The following DLGAP2 variants were observed in gnomAD, a reference collection of about 807,000 sequenced individuals.
DLGAP2 encodes DLG associated protein 2, also known as disks large-associated protein 2.
A neutral mutation model predicts 100.3 loss-of-function variants in DLGAP2; 26 were observed. That is an observed-to-expected ratio of 0.26 (90% CI 0.19 to 0.36). DLGAP2 has a LOEUF of 0.36. DLGAP2 is among the 10% of genes least tolerant of loss of function. DLGAP2 has a pLI of 1.00. For missense variants in DLGAP2, 1,858 were observed against 1,453.2 expected, an observed-to-expected ratio of 1.28 and a Z score of -4.53; for synonymous variants, 886 against 630.1, an observed-to-expected ratio of 1.41 and a Z score of -6.08.
Position 1,682,691 on chromosome 8 carries a change from C to T in DLGAP2, c.2704+4062C>T, listed in dbSNP as rs775529242. The stretch of plus-strand genomic sequence containing the variant: ...GTTTCACCATGTTGGCCAGGATAAT[C>T]GTGAACTCCTGGCCTCAAGTGATCT... On this transcript the variant is annotated intron_variant, in intron 12 of 14. Coordinates refer to ENST00000637795, the MANE Select transcript of DLGAP2 (RefSeq NM_001346810.2). Among the ~76,000 whole-genome samples the T allele has an allele frequency of 6.4e-4, 97 of 151,324 alleles. 1 individual carries two copies. The highest frequency in any genetic ancestry group is 5.3e-4 in the Admixed American group (8 of 15,174).
At chr8:1,518,600 C>T (rs186580615) in intron 4 of DLGAP2, among the ~76,000 whole-genome samples, 146 of 152,260 alleles carry the variant, frequency 9.6e-4, no homozygotes, top group African/African-American at 3.4e-3. Flanking sequence ...GTGGTGATTT[C>T]GGCCCAGACA....
chr8:1,093,807 A>G (rs1169429520), intron 2 of DLGAP2, among the ~76,000 whole-genome samples: 7 of 152,264 alleles, frequency 4.6e-5, no homozygotes, highest in Non-Finnish European at 8.8e-5. Flanking sequence ...CATCATGGGC[A>G]GGCACCTGCT....
At chr8:1,293,704 C>G (rs1029511657) in intron 3 of DLGAP2, among the ~76,000 whole-genome samples, 1 of 152,164 alleles carries the variant, frequency 6.6e-6, no homozygotes, top group East Asian at 1.9e-4. Context: ...CAGCCTGAGC[C>G]CTTCCCCATT....
intron 2 of DLGAP2, among the ~76,000 whole-genome samples, chr8:1,250,158 C>T (rs1468238826): frequency 2.6e-5 from 4 of 152,162 alleles, no homozygotes; most frequent in East Asian, 3.9e-4. Context: ...GGATTACAGG[C>T]GTGAGCCACC....
intron 6 of DLGAP2, among the ~76,000 whole-genome samples, chr8:1,578,058 T>C (rs1375233099): frequency 6.6e-6 from 1 of 152,254 alleles, no homozygotes; most frequent in Non-Finnish European, 1.5e-5. Context: ...GGTGATTCTA[T>C]AATTGTATTT....
intron 1 of DLGAP2, among the ~76,000 whole-genome samples, chr8:887,938 G>T (rs1209884965): frequency 6.6e-6 from 1 of 152,184 alleles, no homozygotes; most frequent in East Asian, 1.9e-4. Flanking sequence ...CTAGGTTGCA[G>T]AAGTTCTCCT....
intron 6 of DLGAP2, chr8:1,620,257 A>T (rs1043940090): frequency 6.6e-6 from 1 of 151,924 alleles, no homozygotes; most frequent in African/African-American, 2.4e-5. Context: ...ATTCCACTTG[A>T]TTTCTCAGCA....
chr8:1,319,098 T>C (rs1434776427), intron 3 of DLGAP2, among the ~76,000 whole-genome samples: 1 of 152,132 alleles, frequency 6.6e-6, no homozygotes, highest in Admixed American at 6.6e-5. Context: ...TAGCGGCCTC[T>C]GAGGTCTCCG....
At chr8:972,010 C>G (rs890856838) in intron 2 of DLGAP2, among the ~76,000 whole-genome samples, 2 of 152,130 alleles carry the variant, frequency 1.3e-5, no homozygotes, top group Admixed American at 6.5e-5. Context: ...TAACATGGAA[C>G]TAGAGCTGAA....
chr8:823,873 G>C (rs574582509), intron 1 of DLGAP2, among the ~76,000 whole-genome samples: 1 of 152,132 alleles, frequency 6.6e-6, no homozygotes, highest in African/African-American at 2.4e-5. Context: ...CTGTCCTCTC[G>C]TTCTCTTGTT....
intron 2 of DLGAP2, among the ~76,000 whole-genome samples, chr8:1,152,022 T>C (rs1796706579): frequency 6.6e-6 from 1 of 152,244 alleles, no homozygotes; most frequent in Non-Finnish European, 1.5e-5. Context: ...TGAGCTATAG[T>C]TCATTTTTAA....
intron 2 of DLGAP2, among the ~76,000 whole-genome samples, chr8:920,260 A>C (rs949579454): frequency 6.6e-6 from 1 of 152,194 alleles, no homozygotes; most frequent in Admixed American, 6.5e-5. Flanking sequence ...CACTTACCCA[A>C]ATTCTGGGCT....
At chr8:816,101 T>C (rs759102028) in intron 1 of DLGAP2, among the ~76,000 whole-genome samples, 5 of 152,202 alleles carry the variant, frequency 3.3e-5, no homozygotes, top group Non-Finnish European at 5.9e-5. Flanking sequence ...ATGTGAGTCC[T>C]TATATGTTAG....
intron 2 of DLGAP2, among the ~76,000 whole-genome samples, chr8:1,226,942 C>T (rs1418701036): frequency 1.3e-5 from 2 of 151,702 alleles, no homozygotes; most frequent in African/African-American, 4.9e-5. Flanking sequence ...TTATGGAAAA[C>T]AGTATCGACG....
At chr8:1,139,597 C>T (rs1035889461) in intron 2 of DLGAP2, among the ~76,000 whole-genome samples, 1 of 152,176 alleles carries the variant, frequency 6.6e-6, no homozygotes, top group Admixed American at 6.5e-5. Context: ...CTTGAGGGTA[C>T]AAACATTCAG....
chr8:938,049 C>T (rs956149439), intron 2 of DLGAP2, among the ~76,000 whole-genome samples: 6 of 152,176 alleles, frequency 3.9e-5, no homozygotes, highest in Admixed American at 2.6e-4. Flanking sequence ...CACATATCTG[C>T]TGAGGCCCTG....
chr8:829,188 G>T (rs1796736762), intron 1 of DLGAP2, among the ~76,000 whole-genome samples: 1 of 152,134 alleles, frequency 6.6e-6, no homozygotes. Context: ...CTGTTACATT[G>T]GTAAGGAATC....
rs1003867707 is a variant in DLGAP2 at position 1,706,669 on chromosome 8, A to G, written c.*5263A>G. The G allele has an allele frequency of 1.3e-5, 2 of 152,232 alleles. No homozygotes were observed. Among genetic ancestry groups the G allele is most frequent in the Non-Finnish European group, 2.9e-5 (2 of 68,042 alleles). The allele number at this position is 152,232 out of a possible 1,614,324, so 9.4% of individuals were successfully genotyped here. A position where few individuals can be genotyped will look rare whatever the true frequency, so the allele number is the denominator to read the frequency against. ...TAGGCCACGTTTTCACCATTACTTA[A>G]GCTCAATCGCCTCTTAGATGAAATG... is the stretch of plus-strand genomic sequence containing the variant. On this transcript the variant is annotated 3_prime_UTR_variant, in exon 15 of 15. Coordinates refer to ENST00000637795, the MANE Select transcript of DLGAP2 (RefSeq NM_001346810.2).
At chr8:1,365,734 T>G (rs1269730972) in intron 3 of DLGAP2, among the ~76,000 whole-genome samples, 2 of 152,196 alleles carry the variant, frequency 1.3e-5, no homozygotes, top group Non-Finnish European at 2.9e-5. Context: ...AATTTCTAAA[T>G]TTCCTGGGAG....
Sources: gnomAD v4.1 joint callset for allele counts (sites outside exome capture counted in the v4.1 genomes callset) on GRCh38, gnomAD v4.1.1 for gene constraint, MANE v1.5 for transcripts, NCBI Gene and HGNC (gene_info 2026-07-23, HGNC 2026-07-21) for gene names.